The following HK1 variants were observed in gnomAD, a reference collection of about 807,000 sequenced individuals.
HK1 encodes hexokinase 1.
A neutral mutation model predicts 91.6 loss-of-function variants in HK1; 28 were observed. The ratio of observed to expected loss-of-function variants is 0.31; its 90% CI spans 0.23 to 0.42. HK1 has a LOEUF of 0.42. Ranked by LOEUF, HK1 falls within the 10% of genes least tolerant of loss-of-function variation. The pLI is 1.00. For missense variants in HK1, 770 were observed against 1,219.8 expected, an observed-to-expected ratio of 0.63 and a Z score of 5.49; for synonymous variants, 430 against 468.1, an observed-to-expected ratio of 0.92 and a Z score of 1.05.
intron 3 of HK1, among the ~76,000 whole-genome samples, chr10:69,291,320 A>T (rs1336745205): frequency 6.6e-6 from 1 of 152,214 alleles, no homozygotes; most frequent in Non-Finnish European, 1.5e-5. Context: ...AGGTTCTGGG[A>T]TCTCAGACAC....
At chr10:69,286,485 C>T (rs767127082) in intron 2 of HK1, among the ~76,000 whole-genome samples, 23 of 152,028 alleles carry the variant, frequency 1.5e-4, no homozygotes, top group African/African-American at 5.3e-4. Flanking sequence ...CAGAGCAGGA[C>T]GCTGTCTCAA....
chr10:69,374,476 C>T (rs1309533300), intron 7 of HK1, among the ~76,000 whole-genome samples: 1 of 152,260 alleles, frequency 6.6e-6, no homozygotes, highest in Non-Finnish European at 1.5e-5. Context: ...CCGGGCGTTA[C>T]CCGTTCAGTT....
chr10:69,340,382 T>G (rs1041870569), intron 1 of HK1, among the ~76,000 whole-genome samples: 2 of 152,198 alleles, frequency 1.3e-5, no homozygotes, highest in African/African-American at 4.8e-5. Flanking sequence ...CCTGAGTAGC[T>G]GGGATTACAG....
intron 5 of HK1, among the ~76,000 whole-genome samples, chr10:69,309,125 T>C (rs1250087555): frequency 6.6e-6 from 1 of 152,046 alleles, no homozygotes; most frequent in Non-Finnish European, 1.5e-5. Context: ...CAGTGAGCTA[T>C]GATCATACCA....
intron 14 of HK1, 118 bp from the exon 15 acceptor site, chr10:69,392,007 G>A: frequency 8.8e-6 from 8 of 912,490 alleles, no homozygotes; most frequent in Non-Finnish European, 5.3e-6. Context: ...CTATTACTTT[G>A]TTCATCACAA....
chr10:69,337,753 C>T (rs1285702013), intron 1 of HK1, among the ~76,000 whole-genome samples: 1 of 152,142 alleles, frequency 6.6e-6, no homozygotes, highest in Non-Finnish European at 1.5e-5. Context: ...TTCAGTCACG[C>T]CTGCTGTTCT....
At position 69,364,841 on chromosome 10, in the gene HK1, A is replaced by G; in HGVS notation, c.434A>G (p.Asp145Gly). Residue 145 changes from aspartate to glycine, a missense_variant, in exon 4 of 18, where the codon GAC (aspartate) becomes GGC (glycine). Transcript: ENST00000359426. ...GDFMEKRKIK[D>G]KKLPVGFTFS... ...TTCATGGAGAAAAGGAAGATCAAGG[A>G]CAAGAAGTTACCTGTGGGATTCACG... 1 of 1,614,132 alleles carries G rather than the reference A, an allele frequency of 6.2e-7. No homozygotes were observed.
intron 13 of HK1, among the ~76,000 whole-genome samples, chr10:69,387,119 G>A (rs768535334): frequency 1.3e-5 from 2 of 152,054 alleles, no homozygotes; most frequent in Non-Finnish European, 2.9e-5. Context: ...CACTCCGTCC[G>A]GGACCATGAT....
At chr10:69,278,033 C>CAA (rs34610927) in intron 1 of HK1, among the ~76,000 whole-genome samples, 28,888 of 146,318 alleles carry the variant, frequency 0.2, 3,197 homozygotes, top group Middle Eastern at 0.3. Context: ...GACTCCGTCT[C>CAA]AAAAAAAAAA....
chr10:69,355,855 A>G (rs1849101131), intron 2 of HK1, among the ~76,000 whole-genome samples: 1 of 152,214 alleles, frequency 6.6e-6, no homozygotes, highest in Non-Finnish European at 1.5e-5. Flanking sequence ...ACTTTTGACA[A>G]GAATGCTAGG....
At position 69,382,469 on chromosome 10, in the gene HK1, C is replaced by A. The variant is rs375924954; in HGVS notation, c.1266-18C>A. 79 of 1,612,252 alleles carry A rather than the reference C, an allele frequency of 4.9e-5. 1 individual carries two copies. The highest frequency in any genetic ancestry group is 1.3e-4 in the Admixed American group (8 of 60,004). On this transcript the variant is annotated intron_variant, in intron 9 of 17. Coordinates refer to ENST00000359426, the MANE Select transcript of HK1 (RefSeq NM_000188.3). ...GCTCAGTCCAGCTGTTGTGGAATGT[C>A]CCCCCTGCCCCCATAAGGTATTCCC...
intron 1 of HK1, among the ~76,000 whole-genome samples, chr10:69,276,162 A>C (rs1180076227): frequency 1.5e-5 from 2 of 134,340 alleles, no homozygotes; most frequent in Admixed American, 8.3e-5. Context: ...TTCTATATTA[A>C]ATAAGTAATT....
At chr10:69,392,348 G>C in intron 15 of HK1, 40 bp downstream of exon 15, 3 of 1,608,100 alleles carry the variant, frequency 1.9e-6, no homozygotes, top group Non-Finnish European at 2.6e-6. Context: ...CAGTCAGGGT[G>C]GGGGCAGCAC....
intron 13 of HK1, among the ~76,000 whole-genome samples, chr10:69,387,699 C>T (rs765559550): frequency 3.0e-4 from 46 of 152,064 alleles, no homozygotes; most frequent in Non-Finnish European, 6.0e-4. Context: ...CCAAGATGCC[C>T]CCGGGGTGTG....
intron 15 of HK1, 136 bp from the exon 16 acceptor site, chr10:69,394,814 A>C (rs375343349): frequency 2.5e-5 from 21 of 848,086 alleles, no homozygotes; most frequent in East Asian, 2.1e-4. Flanking sequence ...TCTGCGGCAG[A>C]GCACAGGGCT....
chr10:69,352,036 A>G (rs1296953693), intron 2 of HK1, among the ~76,000 whole-genome samples: 1 of 150,348 alleles, frequency 6.7e-6, no homozygotes, highest in East Asian at 1.9e-4. Context: ...TCTGTTGCCC[A>G]GGCTGGAGTG....
chr10:69,364,176 G>A (rs1269905037), intron 3 of HK1, among the ~76,000 whole-genome samples: 1 of 152,218 alleles, frequency 6.6e-6, no homozygotes, highest in Non-Finnish European at 1.5e-5. Context: ...TCTCCATCTC[G>A]TGTTTCTCCA....
Position 69,276,118 on chromosome 10 carries a change from A to AAAATATAT in HK1, c.-391+6011_-391+6012insAATATATA. The stretch of plus-strand genomic sequence containing the variant: ...AAAAAAAAAAAAAAAAAAAAAAAAA[A>AAAATATAT]ATACATATATATATATATATACACA... On this transcript the variant is annotated intron_variant, in intron 1 of 21. Coordinates refer to the HK1 transcript ENST00000360289. Among the ~76,000 whole-genome samples the AAAATATAT allele has an allele frequency of 5.2e-3, 198 of 38,260 alleles. 21 individuals carry two copies. Among genetic ancestry groups the AAAATATAT allele is most frequent in the Non-Finnish European group, 8.6e-3 (169 of 19,634 alleles). 25.1% of individuals were successfully genotyped at this position (38,260 alleles called of 152,430 possible). A position where few individuals can be genotyped will look rare whatever the true frequency, so the allele number is the denominator to read the frequency against.
Position 69,382,621 on chromosome 10 carries a change from A to T in HK1, c.1400A>T (p.His467Leu), listed in dbSNP as rs780919269. The T allele has an allele frequency of 5.0e-6, 8 of 1,614,076 alleles. No homozygotes were observed. Among genetic ancestry groups the T allele is most frequent in the Non-Finnish European group, 6.8e-6 (8 of 1,180,042 alleles). Residue 467 changes from histidine (H) to leucine (L), a missense_variant, in exon 10 of 18, where the codon CAC becomes CTC. This residue lies in a region of HK1 where 449 missense variants were observed against 665.1 expected (regional missense o/e 0.68). Transcript: ENST00000359426. The part of the protein sequence containing the change: ...TAVAYRLAEQ[H>L]RQIEETLAHF... ...GTGGCCTACCGCTTGGCCGAGCAGC[A>T]CCGGCAGATAGAGGAGACCCTGGCT...
Sources: allele counts gnomAD v4.1 joint callset (sites outside exome capture counted in the v4.1 genomes callset), GRCh38; gene constraint gnomAD v4.1.1; regional missense constraint gnomAD v4.1.1; transcripts MANE v1.5; gene names NCBI Gene and HGNC (gene_info 2026-07-23, HGNC 2026-07-21).